The following PARP8 variants were observed in gnomAD, a reference collection of about 807,000 sequenced individuals.
PARP8 encodes protein mono-ADP-ribosyltransferase PARP8.
Under a neutral mutation model 124.1 loss-of-function variants are expected in PARP8, and 51 were observed. The observed-to-expected ratio is 0.41, with a 90% CI of 0.33 to 0.52. The LOEUF (loss-of-function observed/expected upper bound fraction) is 0.52. Among genes scored for constraint, PARP8 ranks in the 20% least tolerant of loss-of-function variants. The pLI is 0.21. For missense variants in PARP8, 860 were observed against 1,018.9 expected (o/e 0.84, Z 2.12); for synonymous variants, 391 against 361.5 (o/e 1.08, Z -0.93).
chr5:50,667,080 T>C lies in PARP8; in HGVS notation c.-16T>C. On this transcript the variant is annotated 5_prime_UTR_variant, in exon 1 of 26. Coordinates refer to ENST00000281631, the MANE Select transcript of PARP8 (RefSeq NM_024615.4). ...GGGTGGAAATAGCGGCTGCTTCTTT[T>C]CCAGGGATTTATTTAATGGGGATGT... The C allele has an allele frequency of 6.3e-7, 1 of 1,596,078 alleles. No individual in the cohort carries two copies. The highest frequency in any genetic ancestry group is 8.5e-7 in the Non-Finnish European group (1 of 1,179,644).
intron 9 of PARP8, among the ~76,000 whole-genome samples, chr5:50,779,902 T>C (rs1740472683): frequency 1.3e-5 from 2 of 148,956 alleles, no homozygotes; most frequent in East Asian, 1.9e-4. Flanking sequence ...TAATACATTC[T>C]ATTTAAATTA....
At chr5:50,714,467 A>G (rs1281433499) in intron 2 of PARP8, among the ~76,000 whole-genome samples, 1 of 152,158 alleles carries the variant, frequency 6.6e-6, no homozygotes, top group Non-Finnish European at 1.5e-5. Flanking sequence ...CAGGTTTGTT[A>G]CATAGGTATA....
intron 21 of PARP8, 144 bp downstream of exon 21, chr5:50,828,528 C>G (rs528876103): frequency 2.9e-6 from 2 of 692,798 alleles, no homozygotes; most frequent in South Asian, 3.6e-5. Flanking sequence ...CATACTAGAA[C>G]TGAAGCAGAA....
intron 2 of PARP8, among the ~76,000 whole-genome samples, chr5:50,707,622 G>GGA (rs1359040946): frequency 1.3e-4 from 12 of 90,236 alleles, no homozygotes; most frequent in South Asian, 4.4e-4. Context: ...GATAGATAGG[G>GGA]GAGACAGAGA....
chr5:50,833,899 T>G, intron 23 of PARP8, 80 bp from the exon 24 acceptor site: 3 of 1,138,850 alleles, frequency 2.6e-6, no homozygotes, highest in Non-Finnish European at 4.0e-6. Flanking sequence ...TCTTAGTGAC[T>G]ATTACTTTTT....
At chr5:50,810,240 G>T (rs191590772) in intron 14 of PARP8, among the ~76,000 whole-genome samples, 33 of 151,892 alleles carry the variant, frequency 2.2e-4, no homozygotes, top group African/African-American at 7.7e-4. Flanking sequence ...TTGCTTCCAG[G>T]CAATATAATA....
intron 2 of PARP8, among the ~76,000 whole-genome samples, chr5:50,670,315 A>G (rs1185118096): frequency 2.0e-5 from 3 of 152,188 alleles, no homozygotes; most frequent in Admixed American, 6.5e-5. Context: ...GTATTTAACT[A>G]CCATTTCATC....
At chr5:50,686,977 C>T (rs939895875) in intron 2 of PARP8, among the ~76,000 whole-genome samples, 37 of 152,164 alleles carry the variant, frequency 2.4e-4, no homozygotes, top group Non-Finnish European at 4.0e-4. Flanking sequence ...ACATTTTCCC[C>T]ATTGTCTTGG....
chr5:50,761,577 T>C (rs1236768466), intron 5 of PARP8, among the ~76,000 whole-genome samples: 1 of 152,000 alleles, frequency 6.6e-6, no homozygotes, highest in African/African-American at 2.4e-5. Context: ...ATACATCAAA[T>C]ATTGAATTGT....
intron 2 of PARP8, among the ~76,000 whole-genome samples, chr5:50,736,893 C>A (rs998029679): frequency 6.6e-6 from 1 of 152,078 alleles, no homozygotes; most frequent in African/African-American, 2.4e-5. Context: ...TTGGAGTTTG[C>A]AAATCTAGAA....
In PARP8 at chr5:50,697,267, C is replaced by CA. The variant is rs1037485495; in HGVS notation, c.146+29151dup. ...GAGACTCCGTCTCAAAGAAAACAAA[C>CA]AAAAAAAAAGAATGAGTCTGAAAAC... On this transcript the variant is annotated intron_variant, in intron 2 of 25. Transcript: ENST00000281631. Among the ~76,000 whole-genome samples, 100 of 149,794 alleles carry CA rather than the reference C, an allele frequency of 6.7e-4. 1 individual carries two copies. The highest frequency in any genetic ancestry group is 9.3e-4 in the Admixed American group (14 of 15,092).
chr5:50,839,461 T>C (rs1317365743), intron 25 of PARP8, among the ~76,000 whole-genome samples: 1 of 151,966 alleles, frequency 6.6e-6, no homozygotes, highest in Non-Finnish European at 1.5e-5. Flanking sequence ...GCAACTTATG[T>C]ATCTAAGCCT....
intron 2 of PARP8, among the ~76,000 whole-genome samples, chr5:50,694,505 G>A (rs6862932): frequency 0.015 from 2,247 of 152,208 alleles, 57 homozygotes; most frequent in African/African-American, 0.052. Context: ...CACATTTCTT[G>A]TGAAAGGGTT....
intron 9 of PARP8, among the ~76,000 whole-genome samples, chr5:50,782,596 G>A (rs1452070102): frequency 1.3e-5 from 2 of 152,148 alleles, no homozygotes; most frequent in Non-Finnish European, 2.9e-5. Context: ...AAGAGTGTTT[G>A]TGCTATGCCC....
At chr5:50,666,150 C>G (rs557432899), upstream of PARP8, 1 of 152,190 alleles carries the variant, frequency 6.6e-6, no homozygotes, top group Non-Finnish European at 1.5e-5. Flanking sequence ...CTACTTCGAT[C>G]TGGAGGAAAA....
chr5:50,745,984 T>C (rs574864247), intron 2 of PARP8, among the ~76,000 whole-genome samples: 127 of 152,334 alleles, frequency 8.3e-4, no homozygotes, highest in African/African-American at 3.0e-3. Context: ...AGCTGCTCTA[T>C]TGGCTGAGGT....
chr5:50,837,986 G>T (rs1427084455), intron 25 of PARP8, among the ~76,000 whole-genome samples: 1 of 151,762 alleles, frequency 6.6e-6, no homozygotes, highest in African/African-American at 2.4e-5. Context: ...TGAAACGCAT[G>T]TGTACTAGGA....
chr5:50,830,211 C>A (rs1243775646), intron 22 of PARP8, among the ~76,000 whole-genome samples: 1 of 152,004 alleles, frequency 6.6e-6, no homozygotes, highest in Non-Finnish European at 1.5e-5. Context: ...TTATTCCTTC[C>A]ACAAATGAAT....
intron 2 of PARP8, among the ~76,000 whole-genome samples, chr5:50,675,728 A>G (rs1175927175): frequency 6.6e-6 from 1 of 152,212 alleles, no homozygotes; most frequent in Non-Finnish European, 1.5e-5. Flanking sequence ...TAATTAGTTT[A>G]CATTTGTTAG....
Sources: allele counts gnomAD v4.1 joint callset (sites outside exome capture counted in the v4.1 genomes callset), GRCh38; gene constraint gnomAD v4.1.1; transcripts MANE v1.5; gene names NCBI Gene and HGNC (gene_info 2026-07-23, HGNC 2026-07-21).